The following FGGY variants were observed in gnomAD, a reference collection of about 807,000 sequenced individuals.
FGGY encodes FGGY carbohydrate kinase domain containing.
Under a neutral mutation model 71.3 loss-of-function variants are expected in FGGY, and 72 were observed. The observed-to-expected ratio is 1.01, with a 90% CI of 0.84 to 1.23. The LOEUF is 1.23. Among genes scored for constraint, FGGY ranks in the 50% most tolerant of loss-of-function variants. The pLI, the probability that FGGY is intolerant of heterozygous loss-of-function variation, is 0.00. For missense variants in FGGY, 668 were observed against 682.3 expected (o/e 0.98, Z 0.23); for synonymous variants, 251 against 250.3 (o/e 1.00, Z -0.02).
intron 8 of FGGY, among the ~76,000 whole-genome samples, chr1:59,593,052 A>G (rs550695570): frequency 1.2e-4 from 18 of 152,366 alleles, no homozygotes; most frequent in African/African-American, 3.4e-4. Context: ...AACCACACAT[A>G]TACACCCTGA....
At chr1:59,588,262 C>T (rs80268190) in intron 8 of FGGY, among the ~76,000 whole-genome samples, 18,476 of 151,608 alleles carry the variant, frequency 0.12, 1,330 homozygotes, top group South Asian at 0.3. Context: ...TAAAAAGAAA[C>T]GAACAAAGCC....
chr1:59,611,761 G>A (rs1259051764), intron 9 of FGGY, among the ~76,000 whole-genome samples: 1 of 152,204 alleles, frequency 6.6e-6, no homozygotes, highest in Non-Finnish European at 1.5e-5. Context: ...AAAAAGATTA[G>A]ATGAATGTCT....
chr1:59,722,848 G>A (rs2097909112), intron 14 of FGGY, among the ~76,000 whole-genome samples: 1 of 152,156 alleles, frequency 6.6e-6, no homozygotes, highest in Non-Finnish European at 1.5e-5. Context: ...CCAGGCTAGA[G>A]TGCAGTGGCA....
intron 6 of FGGY, among the ~76,000 whole-genome samples, chr1:59,501,989 G>C (rs1244722058): frequency 6.6e-6 from 1 of 152,224 alleles, no homozygotes; most frequent in African/African-American, 2.4e-5. Context: ...TCTAGCATTT[G>C]TCATGTGGCA....
rs2062672485 is a variant in FGGY, at chr1:59,405,956, C to T, written c.554+27119C>T. On this transcript the variant is annotated intron_variant, in intron 5 of 15. Coordinates refer to ENST00000303721, the MANE Select transcript of FGGY (RefSeq NM_018291.5). ...TTTTTGAAATCTGATATTTAGAGTC[C>T]TCTTCCCCACTTAATTGCAAGCTCA... Among the ~76,000 whole-genome samples the T allele has an allele frequency of 2.0e-5, 3 of 151,122 alleles. No individual in the cohort carries two copies. The South Asian group carries it at 6.3e-4, about 32-fold the overall frequency.
chr1:59,591,401 G>A (rs939590642), intron 8 of FGGY, among the ~76,000 whole-genome samples: 1 of 152,100 alleles, frequency 6.6e-6, no homozygotes, highest in Non-Finnish European at 1.5e-5. Flanking sequence ...TCCCCATCAA[G>A]CTACCAATGA....
chr1:59,408,113 C>A (rs769380005), intron 5 of FGGY, among the ~76,000 whole-genome samples: 1 of 152,158 alleles, frequency 6.6e-6, no homozygotes, highest in Non-Finnish European at 1.5e-5. Flanking sequence ...GAGAAAAACT[C>A]GAATTCTGGG....
chr1:59,413,378 G>A (rs1486737097), intron 5 of FGGY, among the ~76,000 whole-genome samples: 1 of 152,142 alleles, frequency 6.6e-6, no homozygotes, highest in African/African-American at 2.4e-5. Flanking sequence ...GAATGGATGA[G>A]TACATGGGAG....
intron 6 of FGGY, among the ~76,000 whole-genome samples, chr1:59,471,527 C>T (rs1189176189): frequency 2.0e-5 from 3 of 152,150 alleles, no homozygotes; most frequent in Non-Finnish European, 4.4e-5. Context: ...GTGACAGAAC[C>T]AGGTCTTCAC....
intron 6 of FGGY, among the ~76,000 whole-genome samples, chr1:59,464,584 T>C (rs2092486757): frequency 1.3e-5 from 2 of 152,080 alleles, no homozygotes; most frequent in South Asian, 4.1e-4. Flanking sequence ...ATCTAGGAGC[T>C]GGTTTTTTGA....
intron 4 of FGGY, among the ~76,000 whole-genome samples, chr1:59,376,697 AG>A (rs1290085826): frequency 1.3e-5 from 2 of 152,302 alleles, no homozygotes. Context: ...ACCCTGCGGC[AG>A]GTACTGAAAT....
At chr1:59,677,645 T>C (rs952268003) in intron 14 of FGGY, among the ~76,000 whole-genome samples, 4 of 152,212 alleles carry the variant, frequency 2.6e-5, no homozygotes, top group Admixed American at 2.6e-4. Context: ...GCTGTAGATT[T>C]TACTTGTAGC....
rs546610523 is a variant in FGGY at position 59,627,927 on chromosome 1, T to C, written c.1073+1878T>C. ...AAATAAACGAGGACGAAATGACAGG[T>C]CTTCCTCTTCACTGTCAGGACAGTA... On this transcript the variant is annotated intron_variant, in intron 10 of 15. Transcript: ENST00000303721. Among the ~76,000 whole-genome samples, 5 of 152,272 alleles carry C rather than the reference T, an allele frequency of 3.3e-5. No individual in the cohort carries two copies. In the South Asian group the frequency reaches 8.3e-4, roughly 25 times the overall value.
At chr1:59,630,707 A>G (rs147854714) in intron 10 of FGGY, among the ~76,000 whole-genome samples, 1 of 152,374 alleles carries the variant, frequency 6.6e-6, no homozygotes, top group Non-Finnish European at 1.5e-5. Context: ...GTTGCAAATC[A>G]TAATAAAAAG....
At chr1:59,387,235 CTT>C (rs1211815530) in intron 5 of FGGY, among the ~76,000 whole-genome samples, 6 of 151,832 alleles carry the variant, frequency 4.0e-5, no homozygotes, top group African/African-American at 1.2e-4. Context: ...ACTGATTTTT[CTT>C]TTGTTAAAAA....
At chr1:59,337,650 T>C (rs1370804488) in intron 2 of FGGY, among the ~76,000 whole-genome samples, 1 of 152,196 alleles carries the variant, frequency 6.6e-6, no homozygotes, top group Non-Finnish European at 1.5e-5. Flanking sequence ...TAATTTTATT[T>C]TTTATCTTTT....
intron 8 of FGGY, among the ~76,000 whole-genome samples, chr1:59,589,874 A>G (rs1327716834): frequency 1.3e-5 from 2 of 152,176 alleles, no homozygotes; most frequent in Non-Finnish European, 2.9e-5. Flanking sequence ...CACAATTAAA[A>G]GAACTAGAGA....
chr1:59,735,572 T>C (rs529788734), intron 14 of FGGY, among the ~76,000 whole-genome samples: 5 of 152,214 alleles, frequency 3.3e-5, no homozygotes, highest in Non-Finnish European at 7.3e-5. Context: ...AGCTAAGAAT[T>C]AGTGATTACT....
intron 8 of FGGY, among the ~76,000 whole-genome samples, chr1:59,590,730 A>G (rs1009444982): frequency 3.3e-5 from 5 of 152,246 alleles, no homozygotes; most frequent in African/African-American, 1.2e-4. Flanking sequence ...CTTTGACAAA[A>G]TTCAACAACG....
Sources: allele counts gnomAD v4.1 joint callset (sites outside exome capture counted in the v4.1 genomes callset), GRCh38; gene constraint gnomAD v4.1.1; transcripts MANE v1.5; gene names NCBI Gene and HGNC (gene_info 2026-07-23, HGNC 2026-07-21).